Variants in SWAP70 observed in about 807,000 individuals in gnomAD.
The protein encoded by SWAP70 is switching B cell complex subunit SWAP70.
Under a neutral mutation model 80.2 loss-of-function variants are expected in SWAP70, and 34 were observed. The ratio of observed to expected loss-of-function variants is 0.42; its 90% CI spans 0.32 to 0.56. The LOEUF is 0.56. Among genes scored for constraint, SWAP70 ranks in the 20% least tolerant of loss-of-function variants. SWAP70 has a pLI of 0.09. For synonymous variants in SWAP70, 239 were observed against 238.5 expected, an observed-to-expected ratio of 1.00 and a Z score of -0.02; for missense variants, 578 against 690.7, an observed-to-expected ratio of 0.84 and a Z score of 1.83.
intron 9 of SWAP70, among the ~76,000 whole-genome samples, chr11:9,746,026 C>T (rs1851507944): frequency 1.3e-5 from 2 of 152,210 alleles, no homozygotes; most frequent in Admixed American, 6.5e-5. Context: ...ATGTTGGTAC[C>T]AGGCATCAGC....
chr11:9,711,419 G>T (rs1326336812), intron 2 of SWAP70, among the ~76,000 whole-genome samples: 1 of 152,112 alleles, frequency 6.6e-6, no homozygotes, highest in Non-Finnish European at 1.5e-5. Context: ...CTGTCTGTCT[G>T]TCTGTCTAGC....
chr11:9,725,569 A>ATATATATATATT (rs1554892086), intron 4 of SWAP70, among the ~76,000 whole-genome samples: 1 of 26,616 alleles, frequency 3.8e-5, no homozygotes, highest in African/African-American at 1.6e-4. Context: ...ATATATATAT[A>ATATATATATATT]TTTTTTTTTT....
intron 2 of SWAP70, among the ~76,000 whole-genome samples, chr11:9,708,929 T>A (rs1850958155): frequency 6.6e-6 from 1 of 152,124 alleles, no homozygotes; most frequent in East Asian, 1.9e-4. Flanking sequence ...AGAGTTGCGC[T>A]CTGTCACCCA....
intron 2 of SWAP70, among the ~76,000 whole-genome samples, chr11:9,707,874 AT>A (rs34435881): frequency 3.4e-5 from 5 of 146,668 alleles, no homozygotes; most frequent in African/African-American, 7.9e-5. Flanking sequence ...CTTTTAAAAA[AT>A]TTAAAAAAAA....
chr11:9,702,621 A>G (rs1850847632), intron 2 of SWAP70, among the ~76,000 whole-genome samples: 2 of 151,890 alleles, frequency 1.3e-5, no homozygotes, highest in South Asian at 2.1e-4. Context: ...AGGTCTCACT[A>G]TGTTGTCCAG....
chr11:9,674,808 C>G lies in SWAP70; in HGVS notation c.99+10530C>G, dbSNP rs1310669726. On this transcript the variant is annotated intron_variant, in intron 1 of 11. Coordinates refer to ENST00000318950, the MANE Select transcript of SWAP70 (RefSeq NM_015055.4). ...TGAAACCCCTTCTCTACCAAAAATA[C>G]AAAAAAAGAAATTAGCTGGGCGTGG... Among the ~76,000 whole-genome samples, 8 of 151,120 alleles carry G rather than the reference C, an allele frequency of 5.3e-5. No individual in the cohort carries two copies. The East Asian group carries it at 1.6e-3, about 30-fold the overall frequency.
chr11:9,729,366 G>A lies in SWAP70; in HGVS notation c.813G>A (p.Lys271=), dbSNP rs757331408. 6.2e-7 allele frequency: 1 copy of A among 1,613,618 alleles called. No individual in the cohort carries two copies. The highest frequency in any genetic ancestry group is 8.5e-7 in the Non-Finnish European group (1 of 1,179,764). The stretch of plus-strand genomic sequence containing the variant: ...AGTCCTTGCCTGACAAAGATGGAAA[G>A]AAATGCCTTTTTCTCGTAAAATGTT... ...CVESLPDKDG[K]KCLFLVKCFD... Residue 271 remains lysine (K), a synonymous_variant, in exon 6 of 12, where the codon AAG becomes AAA. Coordinates refer to ENST00000318950, the MANE Select transcript of SWAP70 (RefSeq NM_015055.4).
At chr11:9,680,050 CAAT>C (rs1017883427) in intron 1 of SWAP70, among the ~76,000 whole-genome samples, 5 of 152,116 alleles carry the variant, frequency 3.3e-5, no homozygotes, top group Non-Finnish European at 5.9e-5. Flanking sequence ...TTCTACCAAA[CAAT>C]GATGTTGAAG....
At chr11:9,737,467 A>G (rs1450830250) in intron 7 of SWAP70, among the ~76,000 whole-genome samples, 1 of 152,114 alleles carries the variant, frequency 6.6e-6, no homozygotes, top group Non-Finnish European at 1.5e-5. Context: ...TTCACCAGTT[A>G]TGGTTGTTTT....
chr11:9,725,470 T>TC (rs1851198916), intron 4 of SWAP70, among the ~76,000 whole-genome samples: 1 of 138,160 alleles, frequency 7.2e-6, no homozygotes. Context: ...GATCACCAGG[T>TC]CAGGAGCTCA....
At chr11:9,671,790 T>A (rs1324577860) in intron 1 of SWAP70, among the ~76,000 whole-genome samples, 1 of 40,324 alleles carries the variant, frequency 2.5e-5, no homozygotes, top group African/African-American at 1.0e-4. Flanking sequence ...ATATTATTAT[T>A]TATAAATATA....
intron 1 of SWAP70, among the ~76,000 whole-genome samples, chr11:9,672,207 A>G (rs1045002276): frequency 5.5e-5 from 7 of 127,800 alleles, no homozygotes; most frequent in African/African-American, 1.1e-4. Context: ...ATATATATAT[A>G]TATATATATA....
chr11:9,736,565 A>G (rs1276102397), intron 7 of SWAP70, among the ~76,000 whole-genome samples: 1 of 151,910 alleles, frequency 6.6e-6, no homozygotes, highest in Non-Finnish European at 1.5e-5. Flanking sequence ...ATTTCAGTGA[A>G]GTTTGTTTTC....
intron 1 of SWAP70, among the ~76,000 whole-genome samples, chr11:9,682,936 A>G (rs894146537): frequency 6.6e-6 from 1 of 152,224 alleles, no homozygotes; most frequent in Non-Finnish European, 1.5e-5. Flanking sequence ...TTGGCCTCCT[A>G]AAGTGCTGGG....
intron 2 of SWAP70, among the ~76,000 whole-genome samples, chr11:9,701,691 C>A (rs376015810): frequency 2.9e-5 from 2 of 68,526 alleles, no homozygotes; most frequent in Non-Finnish European, 2.8e-5. Context: ...TTTGTGGGCT[C>A]TTTTTTTTTT....
chr11:9,709,285 C>T (rs985001660), intron 2 of SWAP70, among the ~76,000 whole-genome samples: 2 of 140,074 alleles, frequency 1.4e-5, no homozygotes, highest in African/African-American at 5.3e-5. Flanking sequence ...CCAACATGCT[C>T]AGCTAATTAA....
At chr11:9,675,552 A>G (rs1383810301) in intron 1 of SWAP70, among the ~76,000 whole-genome samples, 4 of 151,874 alleles carry the variant, frequency 2.6e-5, no homozygotes, top group East Asian at 1.9e-4. Context: ...TGTTAAAACA[A>G]CTGTTTTATA....
chr11:9,691,784 C>T (rs376934013), intron 1 of SWAP70, among the ~76,000 whole-genome samples: 1 of 152,154 alleles, frequency 6.6e-6, no homozygotes, highest in African/African-American at 2.4e-5. Context: ...AATATGACAT[C>T]CAAGGCCCCT....
At chr11:9,748,931 T>C (rs1851547191) in intron 10 of SWAP70, among the ~76,000 whole-genome samples, 156 bp from the exon 11 acceptor site, 1 of 152,250 alleles carries the variant, frequency 6.6e-6, no homozygotes, top group African/African-American at 2.4e-5. Context: ...GTTTTCACTC[T>C]GTACAATGGG....
Sources: gnomAD v4.1 joint callset for allele counts (sites outside exome capture counted in the v4.1 genomes callset) on GRCh38, gnomAD v4.1.1 for gene constraint, MANE v1.5 for transcripts, NCBI Gene and HGNC (gene_info 2026-07-23, HGNC 2026-07-21) for gene names.